The following WNT4 variants were observed in gnomAD, a reference collection of about 807,000 sequenced individuals.
WNT4 encodes the protein Wnt family member 4.
Under a neutral mutation model 34.5 loss-of-function variants are expected in WNT4, and 16 were observed. That is an observed-to-expected ratio of 0.46 (90% CI 0.31 to 0.70). The LOEUF (loss-of-function observed/expected upper bound fraction) is 0.70. Ranked by LOEUF, WNT4 falls within the 30% of genes least tolerant of loss-of-function variation. The pLI, the probability that WNT4 is intolerant of heterozygous loss-of-function variation, is 0.04. For synonymous variants in WNT4, 200 were observed against 211.9 expected (o/e 0.94, Z 0.49); for missense variants, 379 against 495.9 (o/e 0.76, Z 2.24).
At chr1:22,133,350 T>G (rs1213894040) in intron 1 of WNT4, among the ~76,000 whole-genome samples, 1 of 152,090 alleles carries the variant, frequency 6.6e-6, no homozygotes, top group Non-Finnish European at 1.5e-5. Context: ...TGTGGTCTTT[T>G]GATCTGCTGA....
At chr1:22,135,252 C>T (rs756010781) in intron 1 of WNT4, among the ~76,000 whole-genome samples, 3 of 152,214 alleles carry the variant, frequency 2.0e-5, no homozygotes, top group Non-Finnish European at 2.9e-5. Context: ...TCAATAGTCA[C>T]GTGCTTCAGT....
chr1:22,131,803 T>C (rs1253976658), intron 1 of WNT4, among the ~76,000 whole-genome samples: 1 of 152,164 alleles, frequency 6.6e-6, no homozygotes, highest in African/African-American at 2.4e-5. Context: ...CCTGCATTCC[T>C]GGTCTCCCAG....
chr1:22,120,621 G>A (rs1283288225), intron 4 of WNT4, 104 bp from the exon 5 acceptor site: 11 of 1,187,822 alleles, frequency 9.3e-6, no homozygotes, highest in African/African-American at 3.0e-5. Flanking sequence ...TGGGGCTGAC[G>A]CTGCAGTCAG....
At chr1:22,121,181 C>T (rs774185348) in intron 4 of WNT4, 30 bp downstream of exon 4, 11 of 1,613,204 alleles carry the variant, frequency 6.8e-6, no homozygotes, top group Middle Eastern at 1.6e-4. Flanking sequence ...ATCCCTACCC[C>T]GCTCTTGGTG....
chr1:22,138,404 C>A (rs1023622120), intron 1 of WNT4, among the ~76,000 whole-genome samples: 1 of 151,916 alleles, frequency 6.6e-6, no homozygotes, highest in Non-Finnish European at 1.5e-5. Flanking sequence ...ATGATTTTGC[C>A]CGCCCCCCAG....
At chr1:22,136,145 G>A (rs926264376) in intron 1 of WNT4, among the ~76,000 whole-genome samples, 1 of 152,182 alleles carries the variant, frequency 6.6e-6, no homozygotes, top group Admixed American at 6.5e-5. Context: ...GGGCCACAAA[G>A]TAGCCCCTTG....
Position 22,117,928 on chromosome 1 carries a change from C to T in WNT4, c.*2122G>A, listed in dbSNP as rs533188260. 5.9e-5 allele frequency: 9 copies of T among 152,224 alleles called. No individual in the cohort carries two copies. The highest frequency in any genetic ancestry group is 2.2e-4 in the African/African-American group (9 of 41,506). 9.4% of individuals were successfully genotyped at this position (152,224 alleles called of 1,614,324 possible). A position where few individuals can be genotyped will look rare whatever the true frequency, so the allele number is the denominator to read the frequency against. ...AGTGAGGCATAGTATTTTTTTTGGG[C>T]TTAGTAGACAGCTGAACAGCCAGCC... On this transcript the variant is annotated 3_prime_UTR_variant, in exon 5 of 5. Coordinates refer to ENST00000290167, the MANE Select transcript of WNT4 (RefSeq NM_030761.5).
rs774623866 is a variant in WNT4 at position 22,120,329 on chromosome 1, G to A, written c.777C>T (p.Asn259=). 7 of 1,614,224 alleles carry A rather than the reference G, an allele frequency of 4.3e-6. No individual in the cohort carries two copies. Among genetic ancestry groups the A allele is most frequent in the Admixed American group, 3.3e-5 (2 of 60,038 alleles). ...CATCTGTGTGCGGCTTGAACTGTGC[G>A]TTGCGTGGCACCAGTGCCCTGGAGG... is the stretch of plus-strand genomic sequence containing the variant. The part of the protein sequence containing the change: ...VGSSRALVPR[N]AQFKPHTDED... Residue 259 remains asparagine, a synonymous_variant, in exon 5 of 5, where the codon AAC becomes AAT. Coordinates refer to ENST00000290167, the MANE Select transcript of WNT4 (RefSeq NM_030761.5).
In WNT4 at chr1:22,142,951, C is replaced by T; in HGVS notation, c.-29G>A. 1 of 1,040,242 alleles carries T rather than the reference C, an allele frequency of 9.6e-7. No individual in the cohort carries two copies. Among genetic ancestry groups the T allele is most frequent in the Admixed American group, 5.6e-5 (1 of 17,818 alleles). The allele number at this position is 1,040,242 out of a possible 1,614,324, so 64.4% of individuals were successfully genotyped here. A position where few individuals can be genotyped will look rare whatever the true frequency, so the allele number is the denominator to read the frequency against. ...GCCGCCGCGGGCGCCCGGCCCGGGGCAGCGGCTGCGGCCGCGGGGGGCCTC... is the reference window on the plus strand; with the variant it reads ...GCCGCCGCGGGCGCCCGGCCCGGGGTAGCGGCTGCGGCCGCGGGGGGCCTC... On this transcript the variant is annotated 5_prime_UTR_variant, in exon 1 of 5. Transcript: ENST00000290167. The surrounding 1 kb of genome is among the most constrained non-coding windows in gnomAD (Gnocchi z 6.0).
Position 22,120,887 on chromosome 1 carries a change from G to A in WNT4, c.588+324C>T, listed in dbSNP as rs150464896. Among the ~76,000 whole-genome samples, 40 of 152,284 alleles carry A rather than the reference G, an allele frequency of 2.6e-4. 1 individual carries two copies. In the East Asian group the frequency reaches 6.4e-3, roughly 24 times the overall value. ...CATTACAGTTAGGCACATGATCTTC[G>A]TGGTGATGGAGAGAAAGGTTCACAT... is the stretch of plus-strand genomic sequence containing the variant. On this transcript the variant is annotated intron_variant, in intron 4 of 4. Transcript: ENST00000290167.
chr1:22,121,059 G>T (rs1645893849), intron 4 of WNT4, 152 bp downstream of exon 4: 1 of 1,322,504 alleles, frequency 7.6e-7, no homozygotes, highest in Non-Finnish European at 1.0e-6. Flanking sequence ...CCCCCCTCTG[G>T]CCTGTCCTGA....
chr1:22,129,177 G>T (rs2124117543), intron 2 of WNT4, among the ~76,000 whole-genome samples: 1 of 152,316 alleles, frequency 6.6e-6, no homozygotes, highest in East Asian at 1.9e-4. Context: ...GATACTGGAG[G>T]CCAAGTGCTG....
intron 1 of WNT4, among the ~76,000 whole-genome samples, chr1:22,136,758 G>A (rs1361447025): frequency 6.6e-6 from 1 of 152,160 alleles, no homozygotes; most frequent in African/African-American, 2.4e-5. Flanking sequence ...GGAAGTGCTC[G>A]ACATGTTTGC....
intron 1 of WNT4, among the ~76,000 whole-genome samples, chr1:22,130,172 G>A (rs932760857): frequency 3.3e-5 from 5 of 152,182 alleles, no homozygotes; most frequent in African/African-American, 1.2e-4. Flanking sequence ...GTGCCAGGAC[G>A]TCACCCCAGA....
Position 22,142,988 on chromosome 1 carries a change from G to C in WNT4, c.-66C>G. 1.1e-6 allele frequency: 1 copy of C among 903,152 alleles called. No individual in the cohort carries two copies. The highest frequency in any genetic ancestry group is 1.3e-6 in the Non-Finnish European group (1 of 758,218). 55.9% of individuals were successfully genotyped at this position (903,152 alleles called of 1,614,324 possible). ...CCGCGGGGGGCCTCCCGTCGGGGCTGCAGGTGGGCGCCCGCGGGCGGGCCG... is the reference window on the plus strand; with the variant it reads ...CCGCGGGGGGCCTCCCGTCGGGGCTCCAGGTGGGCGCCCGCGGGCGGGCCG... On this transcript the variant is annotated 5_prime_UTR_variant, in exon 1 of 5. Coordinates refer to ENST00000290167, the MANE Select transcript of WNT4 (RefSeq NM_030761.5). The surrounding 1 kb of genome is among the most constrained non-coding windows in gnomAD (Gnocchi z 6.0).
intron 4 of WNT4, 139 bp from the exon 5 acceptor site, chr1:22,120,656 G>A: frequency 2.5e-6 from 2 of 798,352 alleles, no homozygotes; most frequent in South Asian, 1.7e-5. Context: ...CTCCTCTTAG[G>A]AATTACGCGG....
Position 22,142,176 on chromosome 1 carries a change from A to G in WNT4, c.77+670T>C, listed in dbSNP as rs936562082. 7.2e-5 allele frequency among the ~76,000 whole-genome samples: 11 copies of G among 152,138 alleles called. No individual in the cohort carries two copies. The highest frequency in any genetic ancestry group is 2.7e-4 in the African/African-American group (11 of 41,438). ...CAGCGGTTACCACCCCTTCCTCCTT[A>G]GGCTAGACACGGGGAGCTGGGGGGC... is the stretch of plus-strand genomic sequence containing the variant. On this transcript the variant is annotated intron_variant, in intron 1 of 4. Transcript: ENST00000290167. The surrounding 1 kb of genome is among the most constrained non-coding windows in gnomAD (Gnocchi z 6.0).
In WNT4 at chr1:22,142,385, G is replaced by GCGGCGCAGCT. The variant is rs533544598; in HGVS notation, c.77+451_77+460dup. On this transcript the variant is annotated intron_variant, in intron 1 of 4. Coordinates refer to ENST00000290167, the MANE Select transcript of WNT4 (RefSeq NM_030761.5). This position sits in a 1 kb window ranked among gnomAD's most constrained non-coding sequence, Gnocchi z 6.0. ...GCACGCCTCCAGCCCAGCCCGCAGC[G>GCGGCGCAGCT]CGGCGCAGCTCGGCGCAGCTCGGCG... is the stretch of plus-strand genomic sequence containing the variant. Among the ~76,000 whole-genome samples the GCGGCGCAGCT allele has an allele frequency of 0.058, 8,749 of 152,066 alleles. 376 individuals are homozygous for GCGGCGCAGCT. The highest frequency in any genetic ancestry group is 0.095 in the Middle Eastern group (28 of 294).
intron 1 of WNT4, among the ~76,000 whole-genome samples, chr1:22,138,291 CT>C (rs1274391483): frequency 6.6e-6 from 1 of 152,162 alleles, no homozygotes; most frequent in Non-Finnish European, 1.5e-5. Flanking sequence ...ATCTACACTC[CT>C]GTCCTCTGAA....
Sources: gnomAD v4.1 joint callset for allele counts (sites outside exome capture counted in the v4.1 genomes callset) on GRCh38, gnomAD v4.1.1 for gene constraint, Gnocchi (gnomAD v3.1) non-coding constraint, MANE v1.5 for transcripts, NCBI Gene and HGNC (gene_info 2026-07-23, HGNC 2026-07-21) for gene names.